The following ALPK2 variants were observed in gnomAD, a reference collection of about 807,000 sequenced individuals.
ALPK2 encodes alpha-protein kinase 2.
Under a neutral mutation model 163.1 loss-of-function variants are expected in ALPK2, and 127 were observed. The observed-to-expected ratio is 0.78, with a 90% confidence interval of 0.67 to 0.90. ALPK2 has a LOEUF of 0.90. ALPK2 is among the 40% of genes least tolerant of loss of function. ALPK2 has a pLI of 0.00. For synonymous variants in ALPK2, 953 were observed against 959.1 expected (o/e 0.99, Z 0.12); for missense variants, 2,360 against 2,589.6 (o/e 0.91, Z 1.92).
chr18:58,483,679 TA>T (rs2051323456), intron 12 of ALPK2, among the ~76,000 whole-genome samples: 1 of 151,640 alleles, frequency 6.6e-6, no homozygotes, highest in Non-Finnish European at 1.5e-5. Context: ...GCCTCCCAAG[TA>T]GCTGGGATTA....
chr18:58,624,320 C>T (rs1056239259), intron 1 of ALPK2, among the ~76,000 whole-genome samples: 3 of 152,312 alleles, frequency 2.0e-5, no homozygotes, highest in Middle Eastern at 3.4e-3. Context: ...CTGATAAAAC[C>T]AAAACAGAGA....
In ALPK2 at chr18:58,536,563, C is replaced by T; in HGVS notation, c.3624G>A (p.Leu1208=). Reference sequence around the variant, plus strand: ...TATCAGAGAGAGATGGAACGTTGCTCAGAGCCTGACTGTCTTCTTCCCCAG... The same window carrying T: ...TATCAGAGAGAGATGGAACGTTGCTTAGAGCCTGACTGTCTTCTTCCCCAG... ...ETAGEEDSQA[L]SNVPSLSDIL... is the part of the protein sequence containing the mutation. Residue 1208 remains leucine (L), a synonymous_variant, in exon 5 of 13, where the codon CTG becomes CTA. Transcript: ENST00000361673. 2 of 1,613,936 alleles carry T rather than the reference C, an allele frequency of 1.2e-6. No homozygotes were observed.
intron 4 of ALPK2, among the ~76,000 whole-genome samples, chr18:58,554,065 T>C (rs1173452265): frequency 1.3e-5 from 2 of 152,048 alleles, no homozygotes; most frequent in African/African-American, 4.8e-5. Context: ...TTCCCCATGT[T>C]GGCCAGGCTG....
Position 58,579,827 on chromosome 18 carries a change from T to G in ALPK2, c.949A>C (p.Thr317Pro), listed in dbSNP as rs1398841882. ...DYELCPEITLTYTEEFSDDDL... is the reference protein window; with the variant it reads ...DYELCPEITLPYTEEFSDDDL... ...TCATCTGAAAACTCCTCGGTGTAGG[T>G]TAGGGTTATCTCTGGGCAAAGTTCA... Residue 317 changes from threonine (T) to proline (P), a missense_variant, in exon 4 of 13, where the codon ACC becomes CCC. Transcript: ENST00000361673. 1 of 1,612,824 alleles carries G rather than the reference T, an allele frequency of 6.2e-7. No homozygotes were observed. The highest frequency in any genetic ancestry group is 1.1e-5 in the South Asian group (1 of 91,082).
At chr18:58,502,163 C>CAT (rs903090747) in intron 11 of ALPK2, among the ~76,000 whole-genome samples, 1 of 145,256 alleles carries the variant, frequency 6.9e-6, no homozygotes, top group Non-Finnish European at 1.5e-5. Flanking sequence ...CACACACACA[C>CAT]ACACACACAC....
chr18:58,536,845 C>G lies in ALPK2; in HGVS notation c.3342G>C (p.Val1114=), dbSNP rs750416027. The part of the protein sequence containing the change: ...DNLSGDKSQT[V]DRADFRSYEE... ...CATAGCTCCTAAAGTCTGCTCTGTC[C>G]ACAGTCTGGCTCTTATCTCCAGACA... Residue 1114 remains valine (V), a synonymous_variant, in exon 5 of 13, where the codon GTG becomes GTC. Coordinates refer to ENST00000361673, the MANE Select transcript of ALPK2 (RefSeq NM_052947.4). The G allele has an allele frequency of 3.0e-5, 48 of 1,614,040 alleles. No homozygotes were observed. The South Asian group carries it at 5.2e-4, about 17-fold the overall frequency.
Position 58,613,742 on chromosome 18 carries a change from AAT to A in ALPK2, c.-20-1927_-20-1926del, listed in dbSNP as rs1215393489. 4.1e-3 allele frequency among the ~76,000 whole-genome samples: 607 copies of A among 146,970 alleles called. 4 individuals carry two copies. The highest frequency in any genetic ancestry group is 6.4e-3 in the Non-Finnish European group (429 of 66,820). The stretch of plus-strand genomic sequence containing the variant: ...TAATAATAATAATAATAATAATAAT[AAT>A]AAAATAAAAAGACGGCACCCTTCTG... On this transcript the variant is annotated intron_variant, in intron 1 of 12. Transcript: ENST00000361673.
chr18:58,487,812 A>G (rs2051347590), intron 12 of ALPK2, among the ~76,000 whole-genome samples: 1 of 152,234 alleles, frequency 6.6e-6, no homozygotes, highest in Non-Finnish European at 1.5e-5. Flanking sequence ...GCTGGAGCCC[A>G]GGAATACAAG....
At chr18:58,498,400 G>A (rs752330009) in intron 11 of ALPK2, among the ~76,000 whole-genome samples, 8 of 152,226 alleles carry the variant, frequency 5.3e-5, no homozygotes, top group Non-Finnish European at 7.3e-5. Context: ...CACTCTGTGA[G>A]AAAATCTGAG....
intron 4 of ALPK2, among the ~76,000 whole-genome samples, chr18:58,552,745 T>C (rs1360905876): frequency 6.6e-6 from 1 of 152,044 alleles, no homozygotes; most frequent in East Asian, 1.9e-4. Context: ...GAGACAAGGT[T>C]GTTAATGATC....
intron 10 of ALPK2, among the ~76,000 whole-genome samples, chr18:58,505,356 T>C (rs920345339): frequency 1.3e-5 from 2 of 152,046 alleles, no homozygotes; most frequent in African/African-American, 4.8e-5. Flanking sequence ...CCTGTTTCAG[T>C]GTGCAGACTG....
At chr18:58,569,496 G>C (rs1029391515) in intron 4 of ALPK2, among the ~76,000 whole-genome samples, 2 of 152,160 alleles carry the variant, frequency 1.3e-5, no homozygotes, top group Non-Finnish European at 2.9e-5. Context: ...AATCTCCTAC[G>C]AGTCTGGTTG....
At chr18:58,610,732 G>C (rs1309321024) in intron 2 of ALPK2, among the ~76,000 whole-genome samples, 1 of 151,732 alleles carries the variant, frequency 6.6e-6, no homozygotes, top group East Asian at 1.9e-4. Context: ...ATGAGGTCAA[G>C]AGATGGAGAC....
chr18:58,613,495 C>G (rs1373059472), intron 1 of ALPK2, among the ~76,000 whole-genome samples: 1 of 151,914 alleles, frequency 6.6e-6, no homozygotes, highest in Non-Finnish European at 1.5e-5. Context: ...GAGTTCAAGA[C>G]CATCCTGGCC....
At chr18:58,589,556 G>A (rs562582869) in intron 3 of ALPK2, among the ~76,000 whole-genome samples, 6 of 152,086 alleles carry the variant, frequency 3.9e-5, no homozygotes, top group Non-Finnish European at 7.3e-5. Flanking sequence ...ATAAACGAAC[G>A]ATTTATTTTT....
At chr18:58,593,110 C>A (rs543986852) in intron 3 of ALPK2, among the ~76,000 whole-genome samples, 1 of 152,252 alleles carries the variant, frequency 6.6e-6, no homozygotes, top group East Asian at 1.9e-4. Context: ...CAAGAGTGAA[C>A]CCTCATGTAA....
intron 4 of ALPK2, among the ~76,000 whole-genome samples, chr18:58,573,065 A>G (rs1478425882): frequency 1.3e-5 from 2 of 151,996 alleles, no homozygotes; most frequent in Non-Finnish European, 2.9e-5. Flanking sequence ...ATGTAATAAA[A>G]CCGTTTGTAA....
At chr18:58,518,574 C>T (rs1354039257) in intron 8 of ALPK2, among the ~76,000 whole-genome samples, 1 of 152,180 alleles carries the variant, frequency 6.6e-6, no homozygotes, top group Non-Finnish European at 1.5e-5. Flanking sequence ...CAAGAAAGCT[C>T]TCTGCCTTCC....
chr18:58,540,673 C>T (rs902493494), intron 4 of ALPK2, among the ~76,000 whole-genome samples: 23 of 152,330 alleles, frequency 1.5e-4, no homozygotes, highest in Non-Finnish European at 2.8e-4. Context: ...AGCACCACCA[C>T]CCCTCTCTCC....
Sources: allele counts gnomAD v4.1 joint callset (sites outside exome capture counted in the v4.1 genomes callset), GRCh38; gene constraint gnomAD v4.1.1; transcripts MANE v1.5; gene names NCBI Gene and HGNC (gene_info 2026-07-23, HGNC 2026-07-21).